CHMP4B: variants seen among roughly 807,000 people sequenced by gnomAD.
The protein encoded by CHMP4B is charged multivesicular body protein 4B.
A neutral mutation model predicts 25.1 loss-of-function variants in CHMP4B; 1 was observed. The observed-to-expected ratio is 0.04, with a 90% CI of 0.01 to 0.19. The LOEUF is 0.19. Among genes scored for constraint, CHMP4B ranks in the 10% least tolerant of loss-of-function variants. The probability of loss-of-function intolerance (pLI) is 1.00; values close to 1 mark genes in which losing one functional copy is unlikely to be tolerated. For missense variants in CHMP4B, 151 were observed against 289.7 expected (o/e 0.52, Z 3.48); for synonymous variants, 101 against 115.6 (o/e 0.87, Z 0.81).
rs190986165 is a variant in CHMP4B at position 33,853,865 on chromosome 20, C to T, written c.*305C>T. ...CTTCTGGACTACGCTGACTCCACTG[C>T]TGAATCCTCAATGGAAAGGGTCGAC... On this transcript the variant is annotated 3_prime_UTR_variant, in exon 5 of 5. Coordinates refer to ENST00000217402, the MANE Select transcript of CHMP4B (RefSeq NM_176812.5). 2,546 of 468,240 alleles carry T rather than the reference C, an allele frequency of 5.4e-3. 17 individuals carry two copies. The highest frequency in any genetic ancestry group is 9.2e-3 in the South Asian group (420 of 45,712). 29.0% of individuals were successfully genotyped at this position (468,240 alleles called of 1,614,324 possible). A position where few individuals can be genotyped will look rare whatever the true frequency, so the allele number is the denominator to read the frequency against.
At chr20:33,834,906 G>A (rs1018396657) in intron 1 of CHMP4B, among the ~76,000 whole-genome samples, 10 of 152,154 alleles carry the variant, frequency 6.6e-5, no homozygotes, top group African/African-American at 1.4e-4. Context: ...GGGTTCAAGC[G>A]ATTCTCCTAC....
intron 1 of CHMP4B, among the ~76,000 whole-genome samples, chr20:33,844,065 A>G (rs898739651): frequency 6.6e-6 from 1 of 152,214 alleles, no homozygotes; most frequent in Non-Finnish European, 1.5e-5. Flanking sequence ...CAGGAAGGGG[A>G]GTCCTGGGGG....
At chr20:33,831,708 G>A (rs1167589932) in intron 1 of CHMP4B, among the ~76,000 whole-genome samples, 2 of 152,234 alleles carry the variant, frequency 1.3e-5, no homozygotes, top group Non-Finnish European at 2.9e-5. Flanking sequence ...TTCAGTGTCT[G>A]GTAATTCTGT....
intron 1 of CHMP4B, among the ~76,000 whole-genome samples, chr20:33,846,722 G>T (rs1979699259): frequency 6.6e-6 from 1 of 152,180 alleles, no homozygotes; most frequent in African/African-American, 2.4e-5. Context: ...AGCCTCATGG[G>T]GGAGGGGGTT....
At position 33,842,937 on chromosome 20, in the gene CHMP4B, G is replaced by C. The variant is rs151300964; in HGVS notation, c.191-5530G>C. On this transcript the variant is annotated intron_variant, in intron 1 of 4. Coordinates refer to ENST00000217402, the MANE Select transcript of CHMP4B (RefSeq NM_176812.5). Reference sequence around the variant, plus strand: ...TTTGCCCCTATACTGAACGCCCCCAGATCTGGGACAGGCAGACTTGCCGTC... The same window carrying C: ...TTTGCCCCTATACTGAACGCCCCCACATCTGGGACAGGCAGACTTGCCGTC... Among the ~76,000 whole-genome samples the C allele has an allele frequency of 8.4e-4, 128 of 152,314 alleles. 1 individual carries two copies. The highest frequency in any genetic ancestry group is 2.6e-3 in the African/African-American group (109 of 41,576).
intron 4 of CHMP4B, among the ~76,000 whole-genome samples, 171 bp from the exon 5 acceptor site, chr20:33,853,325 A>G (rs1329862305): frequency 1.3e-5 from 2 of 152,050 alleles, no homozygotes; most frequent in Admixed American, 6.5e-5. Flanking sequence ...CCAGAGTTGT[A>G]TGTTGCAGCT....
At chr20:33,816,541 T>A (rs1381035354) in intron 1 of CHMP4B, among the ~76,000 whole-genome samples, 1 of 152,158 alleles carries the variant, frequency 6.6e-6, no homozygotes, top group Non-Finnish European at 1.5e-5. Flanking sequence ...TTCTAAACAA[T>A]GCCCTTTGGT....
intron 1 of CHMP4B, among the ~76,000 whole-genome samples, chr20:33,832,358 T>A (rs1041316963): frequency 1.3e-5 from 2 of 152,156 alleles, no homozygotes; most frequent in South Asian, 4.1e-4. Context: ...TCAGCAAGCC[T>A]GGCTAAGAGC....
intron 1 of CHMP4B, among the ~76,000 whole-genome samples, chr20:33,821,071 GTC>G (rs1978926235): frequency 6.6e-6 from 1 of 152,138 alleles, no homozygotes; most frequent in Non-Finnish European, 1.5e-5. Context: ...ATTCTCTACT[GTC>G]TGCATAAGCA....
chr20:33,840,408 G>A (rs752657055), intron 1 of CHMP4B, among the ~76,000 whole-genome samples: 5 of 151,802 alleles, frequency 3.3e-5, no homozygotes, highest in Non-Finnish European at 5.9e-5. Context: ...TATCTTTCTC[G>A]TCTGTCCTTA....
At chr20:33,815,813 G>T (rs1211796687) in intron 1 of CHMP4B, among the ~76,000 whole-genome samples, 3 of 152,196 alleles carry the variant, frequency 2.0e-5, no homozygotes, top group African/African-American at 7.2e-5. Context: ...TTGACTGTGG[G>T]CATCTTGTGT....
At chr20:33,814,106 A>G (rs976522472) in intron 1 of CHMP4B, among the ~76,000 whole-genome samples, 2 of 152,212 alleles carry the variant, frequency 1.3e-5, no homozygotes, top group African/African-American at 4.8e-5. Flanking sequence ...TGGAGGACCA[A>G]TCTCAGTTGT....
rs558721680 is a variant in CHMP4B, at chr20:33,848,748, G to A, written c.368+104G>A. On this transcript the variant is annotated intron_variant, in intron 2 of 4. Coordinates refer to ENST00000217402, the MANE Select transcript of CHMP4B (RefSeq NM_176812.5). ...GACGGATCCCTTGACTTACCTATTC[G>A]AGCACCTGAGTTTGTTTTAATTCTC... The A allele has an allele frequency of 1.0e-5, 12 of 1,193,302 alleles. No individual in the cohort carries two copies. In the South Asian group the frequency reaches 1.0e-4, roughly 10 times the overall value. 73.9% of individuals were successfully genotyped at this position (1,193,302 alleles called of 1,614,324 possible). A position where few individuals can be genotyped will look rare whatever the true frequency, so the allele number is the denominator to read the frequency against.
At chr20:33,827,980 C>T (rs1979139415) in intron 1 of CHMP4B, among the ~76,000 whole-genome samples, 2 of 152,172 alleles carry the variant, frequency 1.3e-5, no homozygotes, top group African/African-American at 2.4e-5. Context: ...GAAAGAGCAG[C>T]GGGCTTTTCT....
intron 1 of CHMP4B, among the ~76,000 whole-genome samples, chr20:33,840,460 T>G (rs1314307406): frequency 2.0e-5 from 3 of 152,206 alleles, no homozygotes; most frequent in Non-Finnish European, 4.4e-5. Flanking sequence ...ACAAACATGT[T>G]CAGAGATGTG....
intron 1 of CHMP4B, among the ~76,000 whole-genome samples, chr20:33,830,933 G>GTTTTTTTTTTTTTTTTTTTTTT (rs55917511): frequency 2.4e-4 from 25 of 102,568 alleles, no homozygotes; most frequent in African/African-American, 7.3e-4. Context: ...AAGGAACAGA[G>GTTTTTTTTTTTTTTTTTTTTTT]TTTTTTTTTT....
intron 1 of CHMP4B, among the ~76,000 whole-genome samples, chr20:33,823,920 C>G (rs1979015874): frequency 6.6e-6 from 1 of 152,144 alleles, no homozygotes; most frequent in Admixed American, 6.6e-5. Flanking sequence ...AAGCAGTCTT[C>G]CCACCTCAGC....
chr20:33,813,414 A>G (rs1369156713), intron 1 of CHMP4B, among the ~76,000 whole-genome samples: 4 of 151,986 alleles, frequency 2.6e-5, no homozygotes, highest in Non-Finnish European at 5.9e-5. Context: ...TTAAAACATC[A>G]TCTGGCTGCT....
chr20:33,852,435 C>T (rs976225484), intron 4 of CHMP4B, among the ~76,000 whole-genome samples: 26 of 136,206 alleles, frequency 1.9e-4, no homozygotes, highest in African/African-American at 6.9e-4. Flanking sequence ...TTAATCTTGA[C>T]GCTGTGGACA....
Sources: allele counts gnomAD v4.1 joint callset (sites outside exome capture counted in the v4.1 genomes callset), GRCh38; gene constraint gnomAD v4.1.1; transcripts MANE v1.5; gene names NCBI Gene and HGNC (gene_info 2026-07-23, HGNC 2026-07-21).